The following PPP3CA variants were observed in gnomAD, a reference collection of about 807,000 sequenced individuals.
PPP3CA encodes CAM-PRP catalytic subunit.
Under a neutral mutation model 66.5 loss-of-function variants are expected in PPP3CA, and 14 were observed. The observed-to-expected ratio is 0.21, with a 90% CI of 0.14 to 0.33. PPP3CA has a LOEUF of 0.33. Among genes scored for constraint, PPP3CA ranks in the 10% least tolerant of loss-of-function variants. PPP3CA has a pLI of 1.00. For synonymous variants in PPP3CA, 232 were observed against 226.2 expected, an observed-to-expected ratio of 1.03 and a Z score of -0.23; for missense variants, 317 against 639.5, an observed-to-expected ratio of 0.50 and a Z score of 5.44.
At chr4:101,195,554 C>T (rs1237668938) in intron 2 of PPP3CA, among the ~76,000 whole-genome samples, 1 of 152,140 alleles carries the variant, frequency 6.6e-6, no homozygotes, top group Non-Finnish European at 1.5e-5. Flanking sequence ...AACTTATACC[C>T]TTACTCAACC....
At chr4:101,264,857 T>C (rs1727121482) in intron 1 of PPP3CA, among the ~76,000 whole-genome samples, 1 of 152,184 alleles carries the variant, frequency 6.6e-6, no homozygotes, top group African/African-American at 2.4e-5. Flanking sequence ...TCTGGTGATA[T>C]ATGCCCTTAT....
intron 1 of PPP3CA, among the ~76,000 whole-genome samples, chr4:101,243,336 T>C (rs1726372228): frequency 6.6e-6 from 1 of 152,110 alleles, no homozygotes; most frequent in African/African-American, 2.4e-5. Context: ...TATTGCCCAT[T>C]CTGAACCACG....
chr4:101,198,568 G>T (rs1020605587), intron 1 of PPP3CA, among the ~76,000 whole-genome samples: 2 of 152,188 alleles, frequency 1.3e-5, no homozygotes, highest in Non-Finnish European at 2.9e-5. Context: ...ATATTGTCAG[G>T]CAGATAAAAG....
At chr4:101,064,773 A>G (rs1237645984) in intron 8 of PPP3CA, among the ~76,000 whole-genome samples, 3 of 152,080 alleles carry the variant, frequency 2.0e-5, no homozygotes, top group Non-Finnish European at 2.9e-5. Context: ...TGTGGCCCAG[A>G]AGTAATATAA....
At chr4:101,029,295 C>CTAA (rs1279886347) in intron 12 of PPP3CA, 100 bp from the exon 13 acceptor site, 4 of 792,676 alleles carry the variant, frequency 5.0e-6, no homozygotes, top group Non-Finnish European at 7.6e-6. Flanking sequence ...GCTAAGAGAA[C>CTAA]TAATGTTCCT....
intron 1 of PPP3CA, among the ~76,000 whole-genome samples, chr4:101,223,116 T>A (rs1306078806): frequency 6.6e-6 from 1 of 151,692 alleles, no homozygotes; most frequent in Admixed American, 6.6e-5. Context: ...ACTTCCCCCA[T>A]GAAGAAATGA....
At chr4:101,098,221 A>G (rs1366883803) in intron 5 of PPP3CA, 146 bp downstream of exon 5, 1 of 879,994 alleles carries the variant, frequency 1.1e-6, no homozygotes, top group Non-Finnish European at 1.6e-6. Context: ...CTAGATAAAA[A>G]TTTAACACAA....
intron 6 of PPP3CA, among the ~76,000 whole-genome samples, chr4:101,091,831 T>C (rs1461443787): frequency 2.3e-5 from 3 of 131,748 alleles, no homozygotes; most frequent in African/African-American, 8.5e-5. Context: ...CTAATAATAA[T>C]AATAATAATA....
chr4:101,117,573 A>T (rs965064119), intron 2 of PPP3CA, among the ~76,000 whole-genome samples: 2 of 151,874 alleles, frequency 1.3e-5, no homozygotes, highest in African/African-American at 4.8e-5. Context: ...TATAATAAAG[A>T]TGCCTAATTA....
At chr4:101,060,340 T>C (rs1324578026) in intron 10 of PPP3CA, among the ~76,000 whole-genome samples, 3 of 152,106 alleles carry the variant, frequency 2.0e-5, no homozygotes, top group Non-Finnish European at 2.9e-5. Context: ...CCTATCAAAG[T>C]GCTAGGAACC....
At chr4:101,055,455 T>C (rs1208041464) in intron 10 of PPP3CA, among the ~76,000 whole-genome samples, 1 of 152,128 alleles carries the variant, frequency 6.6e-6, no homozygotes, top group East Asian at 1.9e-4. Flanking sequence ...AAGACCCTAT[T>C]ACATATAAAT....
intron 1 of PPP3CA, among the ~76,000 whole-genome samples, chr4:101,210,042 A>C (rs1725252872): frequency 6.6e-6 from 1 of 152,190 alleles, no homozygotes; most frequent in South Asian, 2.1e-4. Flanking sequence ...TGTGTTGCAC[A>C]AATTTCTGAG....
At chr4:101,177,415 C>T (rs545133109) in intron 2 of PPP3CA, among the ~76,000 whole-genome samples, 1 of 152,210 alleles carries the variant, frequency 6.6e-6, no homozygotes, top group South Asian at 2.1e-4. Context: ...CACAATCTCT[C>T]GGGATTCCTG....
chr4:101,237,973 C>T (rs1726179906), intron 1 of PPP3CA, among the ~76,000 whole-genome samples: 1 of 152,008 alleles, frequency 6.6e-6, no homozygotes, highest in Non-Finnish European at 1.5e-5. Context: ...CATCTCTATT[C>T]CTACCGCATC....
At chr4:101,325,596 G>A (rs1729182648) in intron 1 of PPP3CA, among the ~76,000 whole-genome samples, 1 of 152,180 alleles carries the variant, frequency 6.6e-6, no homozygotes, top group Non-Finnish European at 1.5e-5. Context: ...CTAACCCAGA[G>A]TCAGTACTCA....
chr4:101,335,433 C>T (rs1227432128), intron 1 of PPP3CA, among the ~76,000 whole-genome samples: 1 of 152,018 alleles, frequency 6.6e-6, no homozygotes, highest in Non-Finnish European at 1.5e-5. Context: ...CCCACTATCA[C>T]CACATGGTGC....
At chr4:101,266,516 G>GT (rs1727175455) in intron 1 of PPP3CA, among the ~76,000 whole-genome samples, 6 of 152,132 alleles carry the variant, frequency 3.9e-5, no homozygotes, top group Admixed American at 3.3e-4. Flanking sequence ...TAAAATCACA[G>GT]TGTTATTCAG....
chr4:101,271,345 T>C (rs1430515247), intron 1 of PPP3CA, among the ~76,000 whole-genome samples: 1 of 152,104 alleles, frequency 6.6e-6, no homozygotes, highest in Non-Finnish European at 1.5e-5. Context: ...GTGCCAACCA[T>C]CACTGTTAAG....
At chr4:101,032,519 TTTTAA>T in intron 11 of PPP3CA, among the ~76,000 whole-genome samples, 155 bp from the exon 12 acceptor site, 1 of 149,780 alleles carries the variant, frequency 6.7e-6, no homozygotes, top group East Asian at 1.9e-4. Flanking sequence ...ACATACTTTA[TTTTAA>T]TTTATTTATA....
Sources: gnomAD v4.1 joint callset for allele counts (sites outside exome capture counted in the v4.1 genomes callset) on GRCh38, gnomAD v4.1.1 for gene constraint, MANE v1.5 for transcripts, NCBI Gene and HGNC (gene_info 2026-07-23, HGNC 2026-07-21) for gene names.